ASIC5: variants seen among roughly 807,000 people sequenced by gnomAD.
ASIC5 encodes acid sensing ion channel subunit family member 5.
ASIC5 carries 52 observed loss-of-function variants against 51.2 expected under a neutral mutation model. That is an observed-to-expected ratio of 1.02 (90% CI 0.81 to 1.28). ASIC5 has a LOEUF of 1.28. Among genes scored for constraint, ASIC5 ranks in the 50% most tolerant of loss-of-function variants. The pLI is 0.00. For synonymous variants in ASIC5, 231 were observed against 200.7 expected, an observed-to-expected ratio of 1.15 and a Z score of -1.28; for missense variants, 635 against 595.0, an observed-to-expected ratio of 1.07 and a Z score of -0.70.
In ASIC5 at chr4:155,839,513, C is replaced by G. The variant is rs189455226; in HGVS notation, c.1010-644G>C. ...CTATGTATCAGAGCTGGGTTTACTC[C>G]TACGGCTGATTCTAAAGACTTAGTC... On this transcript the variant is annotated intron_variant, in intron 6 of 9. Transcript: ENST00000537611. Among the ~76,000 whole-genome samples, 101 of 152,208 alleles carry G rather than the reference C, an allele frequency of 6.6e-4. 2 individuals are homozygous for G. The highest frequency in any genetic ancestry group is 2.1e-3 in the East Asian group (11 of 5,180).
At chr4:155,865,681 AG>A (rs201811672) in intron 1 of ASIC5, among the ~76,000 whole-genome samples, 1 of 24,194 alleles carries the variant, frequency 4.1e-5, no homozygotes, top group African/African-American at 8.2e-5. Flanking sequence ...GTTTTAATAG[AG>A]TTTTTTTTAT....
intron 6 of ASIC5, among the ~76,000 whole-genome samples, chr4:155,840,798 C>T (rs6826330): frequency 0.017 from 2,606 of 151,976 alleles, 73 homozygotes; most frequent in African/African-American, 0.057. Flanking sequence ...TAAACCGCCC[C>T]AAATTGCTTA....
rs17033620 is a variant in ASIC5, at chr4:155,862,865, G to T, written c.347+583C>A. On this transcript the variant is annotated intron_variant, in intron 2 of 9. Transcript: ENST00000537611. Reference sequence around the variant, plus strand: ...TTTCTTCTTCATCTCCACTTAGAAAGCTGTAATCATCTTTTAATACCCAGA... The same window carrying T: ...TTTCTTCTTCATCTCCACTTAGAAATCTGTAATCATCTTTTAATACCCAGA... Among the ~76,000 whole-genome samples the T allele has an allele frequency of 8.1e-3, 1,240 of 152,214 alleles. 11 individuals carry two copies. Among genetic ancestry groups the T allele is most frequent in the African/African-American group, 0.028 (1,171 of 41,534 alleles).
chr4:155,834,728 T>A (rs1408552871), intron 8 of ASIC5, among the ~76,000 whole-genome samples: 1 of 152,040 alleles, frequency 6.6e-6, no homozygotes, highest in Non-Finnish European at 1.5e-5. Context: ...TGTTTTTGCA[T>A]CCAAAAAGTT....
At chr4:155,840,427 T>C (rs570242634) in intron 6 of ASIC5, among the ~76,000 whole-genome samples, 21 of 147,564 alleles carry the variant, frequency 1.4e-4, no homozygotes, top group Admixed American at 7.5e-4. Flanking sequence ...TTATTTTTTA[T>C]ATTATATATA....
Position 155,843,755 on chromosome 4 carries a change from CCTT to C in ASIC5, c.784_786del (p.Lys262del). ...AAGCCTAACCCATCAAACTGTGGCA[CCTT>C]CTTTGGTGAATGGATAACAAAGATG... On this transcript the variant is annotated inframe_deletion, in exon 5 of 10. Coordinates refer to ENST00000537611, the MANE Select transcript of ASIC5 (RefSeq NM_017419.3). 1 of 1,613,716 alleles carries C rather than the reference CCTT, an allele frequency of 6.2e-7. No individual in the cohort carries two copies. Among genetic ancestry groups the C allele is most frequent in the Non-Finnish European group, 8.5e-7 (1 of 1,179,752 alleles).
chr4:155,856,856 T>C (rs1741555016), intron 2 of ASIC5, among the ~76,000 whole-genome samples: 1 of 152,050 alleles, frequency 6.6e-6, no homozygotes, highest in Admixed American at 6.6e-5. Flanking sequence ...TGGATTATAT[T>C]CAAAATGATT....
rs940864942 is a variant in ASIC5 at position 155,839,369 on chromosome 4, A to G, written c.1010-500T>C. On this transcript the variant is annotated intron_variant, in intron 6 of 9. Coordinates refer to ENST00000537611, the MANE Select transcript of ASIC5 (RefSeq NM_017419.3). The stretch of plus-strand genomic sequence containing the variant: ...CATTTACACACACACACACACACAC[A>G]CACACACACACACACGTTCCTGACA... Among the ~76,000 whole-genome samples, 2 of 151,642 alleles carry G rather than the reference A, an allele frequency of 1.3e-5. 1 individual carries two copies. Among genetic ancestry groups the G allele is most frequent in the Admixed American group, 1.3e-4 (2 of 15,178 alleles).
intron 6 of ASIC5, among the ~76,000 whole-genome samples, chr4:155,840,858 T>C (rs1741101025): frequency 6.6e-6 from 1 of 152,120 alleles, no homozygotes; most frequent in Non-Finnish European, 1.5e-5. Flanking sequence ...TTGAGATATG[T>C]TGCAGACCCT....
intron 5 of ASIC5, 34 bp downstream of exon 5, chr4:155,843,647 A>G (rs1302459102): frequency 4.3e-6 from 7 of 1,610,318 alleles, no homozygotes; most frequent in Non-Finnish European, 5.1e-6. Flanking sequence ...TGCATTCACT[A>G]CCCCACCTAA....
At chr4:155,840,119 T>C (rs1741083442) in intron 6 of ASIC5, among the ~76,000 whole-genome samples, 1 of 152,214 alleles carries the variant, frequency 6.6e-6, no homozygotes, top group Non-Finnish European at 1.5e-5. Context: ...GTGTTTTATA[T>C]AGCACCTTGC....
In ASIC5 at chr4:155,852,199, C is replaced by T. The variant is rs750230770; in HGVS notation, c.703G>A (p.Val235Met). ...TGGAGAAAATTCAGTACCTGATTCA[C>T]ATTGAAGAGTAAGCTCAAACCTCTT... Reference protein sequence around the residue: ...SGRGLSLLFNVNQEAFTDNPA... With the variant: ...SGRGLSLLFNMNQEAFTDNPA... Residue 235 changes from valine to methionine, a missense_variant, in exon 4 of 10, where the codon GTG becomes ATG. By Grantham distance (21) the Val-to-Met change is conservative. Coordinates refer to ENST00000537611, the MANE Select transcript of ASIC5 (RefSeq NM_017419.3). The T allele has an allele frequency of 2.5e-6, 4 of 1,611,944 alleles. No individual in the cohort carries two copies. In the South Asian group the frequency reaches 3.3e-5, roughly 13 times the overall value.
chr4:155,863,704 G>C lies in ASIC5; in HGVS notation c.91C>G (p.Pro31Ala). 1 of 1,613,878 alleles carries C rather than the reference G, an allele frequency of 6.2e-7. No homozygotes were observed. The highest frequency in any genetic ancestry group is 1.3e-5 in the African/African-American group (1 of 75,026). Reference protein sequence around the residue: ...LCLSKKPLPSPTERKKFDHDF... With the variant: ...LCLSKKPLPSATERKKFDHDF... ...TGGTCAAACTTCTTTCGCTCAGTGG[G>C]AGATGGCAGTGGTTTCTTTGAAAGG... The change falls in exon 2 of 10, where the codon CCC becomes GCC. Residue 31 changes from proline to alanine, a missense_variant. Physicochemically the swap from Pro to Ala is conservative, Grantham distance 27 (BLOSUM62 -1). Transcript: ENST00000537611.
intron 8 of ASIC5, among the ~76,000 whole-genome samples, chr4:155,835,456 T>A (rs1369583837): frequency 1.3e-5 from 2 of 151,816 alleles, no homozygotes; most frequent in African/African-American, 4.8e-5. Flanking sequence ...CCTAAGATCC[T>A]CTTGTTTCAT....
intron 2 of ASIC5, 46 bp downstream of exon 2, chr4:155,863,402 T>A (rs771501286): frequency 7.0e-7 from 1 of 1,434,068 alleles, no homozygotes; most frequent in Non-Finnish European, 9.5e-7. Flanking sequence ...AAGATTATAC[T>A]AGCAAATTTA....
chr4:155,843,877 A>G, intron 4 of ASIC5, 47 bp from the exon 5 acceptor site: 1 of 1,584,082 alleles, frequency 6.3e-7, no homozygotes, highest in Non-Finnish European at 8.7e-7. Context: ...TGACTATATC[A>G]GTTCTAAACA....
chr4:155,831,899 T>G lies in ASIC5; in HGVS notation c.1252A>C (p.Ile418Leu). Residue 418 changes from isoleucine (I) to leucine (L), a missense_variant, in exon 9 of 10, where the codon ATT becomes CTT. By Grantham distance (5) the Ile-to-Leu change is conservative. Coordinates refer to ENST00000537611, the MANE Select transcript of ASIC5 (RefSeq NM_017419.3). ...TTTAGGTCACTATAGTTAATTTCAA[T>G]TTTTACAAGATTCTCCCTAGGGATA... ...RKYIRENLVK[I>L]EINYSDLNYK... 6.3e-7 allele frequency: 1 copy of G among 1,584,412 alleles called. No homozygotes were observed.
At chr4:155,853,397 G>GA (rs1741430599) in intron 3 of ASIC5, among the ~76,000 whole-genome samples, 1 of 151,790 alleles carries the variant, frequency 6.6e-6, no homozygotes, top group Admixed American at 6.6e-5. Flanking sequence ...GCTGATACGG[G>GA]AAATACGGCA....
chr4:155,848,922 A>G (rs1490589222), intron 4 of ASIC5, among the ~76,000 whole-genome samples: 2 of 152,084 alleles, frequency 1.3e-5, no homozygotes, highest in Non-Finnish European at 2.9e-5. Flanking sequence ...ACAATTTAGA[A>G]TACTCCTATG....
Sources: gnomAD v4.1 joint callset for allele counts (sites outside exome capture counted in the v4.1 genomes callset) on GRCh38, gnomAD v4.1.1 for gene constraint, MANE v1.5 for transcripts, NCBI Gene and HGNC (gene_info 2026-07-23, HGNC 2026-07-21) for gene names.